Variants in ACOXL observed in about 807,000 individuals in gnomAD.
The protein encoded by ACOXL is acyl-coenzyme A oxidase-like protein.
A neutral mutation model predicts 71.9 loss-of-function variants in ACOXL; 70 were observed. That is an observed-to-expected ratio of 0.97 (90% CI 0.80 to 1.19). The LOEUF (loss-of-function observed/expected upper bound fraction) is 1.19. ACOXL is among the 50% of genes most tolerant of loss of function. The pLI, the probability that ACOXL is intolerant of heterozygous loss-of-function variation, is 0.00. For synonymous variants in ACOXL, 253 were observed against 281.6 expected (o/e 0.90, Z 1.02); for missense variants, 703 against 736.3 (o/e 0.95, Z 0.52).
At chr2:110,834,106 C>T (rs1382218966) in intron 9 of ACOXL, among the ~76,000 whole-genome samples, 3 of 152,136 alleles carry the variant, frequency 2.0e-5, no homozygotes, top group African/African-American at 7.2e-5. Context: ...ATTTTTTTCC[C>T]TCTTAGTCCT....
At chr2:110,781,241 A>G (rs1267211886) in intron 2 of ACOXL, among the ~76,000 whole-genome samples, 3 of 152,170 alleles carry the variant, frequency 2.0e-5, no homozygotes, top group Non-Finnish European at 2.9e-5. Context: ...TACTCATAAT[A>G]AAAAGCTCAT....
chr2:110,910,689 T>C lies in ACOXL; in HGVS notation c.905+1784T>C, dbSNP rs139416500. Among the ~76,000 whole-genome samples, 249 of 152,302 alleles carry C rather than the reference T, an allele frequency of 1.6e-3. 1 individual carries two copies. The highest frequency in any genetic ancestry group is 1.3e-3 in the Non-Finnish European group (90 of 68,012). On this transcript the variant is annotated intron_variant, in intron 11 of 17. Transcript: ENST00000439055. The stretch of plus-strand genomic sequence containing the variant: ...ACATTGCTGTTTAAATTTACACTTA[T>C]CTGGTGGCTGTCGACATTGAGTACT...
In ACOXL at chr2:111,035,101, C is replaced by T. The variant is rs1189033920; in HGVS notation, c.1369+3387C>T. 5.9e-5 allele frequency among the ~76,000 whole-genome samples: 9 copies of T among 152,000 alleles called. 1 individual carries two copies. The highest frequency in any genetic ancestry group is 6.5e-5 in the Admixed American group (1 of 15,268). The stretch of plus-strand genomic sequence containing the variant: ...CAGGGTGGTCTCAATCTCCTGACCT[C>T]GTGATCTGCCCACCTCGGCCTCCCA... On this transcript the variant is annotated intron_variant, in intron 15 of 17. Transcript: ENST00000439055.
chr2:110,960,929 C>T lies in ACOXL; in HGVS notation c.1060-26179C>T, dbSNP rs995760937. 6.4e-4 allele frequency among the ~76,000 whole-genome samples: 97 copies of T among 152,320 alleles called. 2 individuals carry two copies. The highest frequency in any genetic ancestry group is 2.3e-3 in the African/African-American group (95 of 41,576). The stretch of plus-strand genomic sequence containing the variant: ...TGGGTCTTTCTGTAAGCCGCATAGA[C>T]GTTTACCCAGGACATGGATGCTGGG... On this transcript the variant is annotated intron_variant, in intron 12 of 17. Coordinates refer to ENST00000439055, the MANE Select transcript of ACOXL (RefSeq NM_001142807.4).
At chr2:110,804,459 A>G (rs916982809) in intron 8 of ACOXL, among the ~76,000 whole-genome samples, 3 of 152,082 alleles carry the variant, frequency 2.0e-5, no homozygotes, top group African/African-American at 7.2e-5. Flanking sequence ...CAGCAATTCT[A>G]CTCCTAGGTA....
At chr2:110,996,199 C>G (rs1011270344) in intron 14 of ACOXL, among the ~76,000 whole-genome samples, 195 bp downstream of exon 14, 4 of 152,108 alleles carry the variant, frequency 2.6e-5, no homozygotes, top group Non-Finnish European at 5.9e-5. Flanking sequence ...TGTTTAACCC[C>G]CTTTATGTCA....
At chr2:111,091,083 G>A (rs2068498566) in intron 16 of ACOXL, among the ~76,000 whole-genome samples, 1 of 152,082 alleles carries the variant, frequency 6.6e-6, no homozygotes, top group Admixed American at 6.6e-5. Flanking sequence ...GGGTCACCTT[G>A]GGATTGCTGT....
chr2:110,925,293 C>G (rs769686091), intron 11 of ACOXL, among the ~76,000 whole-genome samples: 2 of 152,196 alleles, frequency 1.3e-5, no homozygotes, highest in Non-Finnish European at 2.9e-5. Flanking sequence ...TCTCTCTGTT[C>G]TTTGAAGTTT....
intron 16 of ACOXL, among the ~76,000 whole-genome samples, chr2:111,053,088 T>TCCGG (rs1410956300): frequency 6.6e-6 from 1 of 152,130 alleles, no homozygotes; most frequent in African/African-American, 2.4e-5. Context: ...TAGCCTAACG[T>TCCGG]CCTCTTCCAG....
At chr2:110,822,465 A>T (rs1173136362) in intron 9 of ACOXL, among the ~76,000 whole-genome samples, 1 of 152,012 alleles carries the variant, frequency 6.6e-6, no homozygotes, top group Non-Finnish European at 1.5e-5. Context: ...CATGCAAACA[A>T]CTTTATCATC....
At chr2:110,932,996 C>T (rs1178333931) in intron 11 of ACOXL, among the ~76,000 whole-genome samples, 1 of 152,188 alleles carries the variant, frequency 6.6e-6, no homozygotes, top group Non-Finnish European at 1.5e-5. Context: ...CAGGCCTCTG[C>T]TGTTCCTCTG....
intron 14 of ACOXL, among the ~76,000 whole-genome samples, chr2:111,001,152 A>T (rs569398253): frequency 6.6e-6 from 1 of 152,332 alleles, no homozygotes; most frequent in South Asian, 2.1e-4. Context: ...GCTCCTAGGA[A>T]GCTTGAGGGC....
intron 10 of ACOXL, among the ~76,000 whole-genome samples, chr2:110,862,434 C>A (rs1023515438): frequency 2.6e-5 from 4 of 152,056 alleles, no homozygotes; most frequent in Non-Finnish European, 5.9e-5. Flanking sequence ...GAGTTCAAGA[C>A]CAGCCTGGGC....
chr2:110,919,095 C>T (rs1433690623), intron 11 of ACOXL, among the ~76,000 whole-genome samples: 2 of 112,214 alleles, frequency 1.8e-5, no homozygotes, highest in Non-Finnish European at 4.0e-5. Context: ...TATAAAGACA[C>T]ATGCACAGGT....
At chr2:111,009,762 C>A (rs2064056124) in intron 14 of ACOXL, among the ~76,000 whole-genome samples, 1 of 152,042 alleles carries the variant, frequency 6.6e-6, no homozygotes, top group African/African-American at 2.4e-5. Flanking sequence ...TATTGCCCAC[C>A]ACACAGGAGT....
chr2:110,805,130 T>C (rs551919545), intron 8 of ACOXL, 133 bp from the exon 9 acceptor site: 13 of 1,202,866 alleles, frequency 1.1e-5, no homozygotes, highest in Non-Finnish European at 1.5e-5. Context: ...ATCGGCGCTC[T>C]GTCTCAAGGG....
chr2:110,962,870 G>A (rs181742466), intron 12 of ACOXL, among the ~76,000 whole-genome samples: 1 of 152,346 alleles, frequency 6.6e-6, no homozygotes, highest in Non-Finnish European at 1.5e-5. Context: ...CTTGGACGGG[G>A]GAGCAATTCT....
intron 16 of ACOXL, among the ~76,000 whole-genome samples, chr2:111,061,377 G>A (rs2066804145): frequency 6.6e-6 from 1 of 152,006 alleles, no homozygotes; most frequent in African/African-American, 2.4e-5. Flanking sequence ...TAAAGTGTTA[G>A]AAAAAAAGGA....
At chr2:110,752,063 C>A (rs763148675) in intron 1 of ACOXL, among the ~76,000 whole-genome samples, 5 of 149,860 alleles carry the variant, frequency 3.3e-5, no homozygotes, top group Non-Finnish European at 7.4e-5. Flanking sequence ...TGCTCTGTCT[C>A]GCCCAGGCTG....
Sources: gnomAD v4.1 joint callset for allele counts (sites outside exome capture counted in the v4.1 genomes callset) on GRCh38, gnomAD v4.1.1 for gene constraint, MANE v1.5 for transcripts, NCBI Gene and HGNC (gene_info 2026-07-23, HGNC 2026-07-21) for gene names.